Variants in MYO9A observed in about 807,000 individuals in gnomAD.
MYO9A encodes myosin IXA, also known as unconventional myosin-IXa.
In MYO9A, 103 loss-of-function variants were observed where a neutral mutation model predicts 293.3. The observed-to-expected ratio is 0.35, with a 90% CI of 0.30 to 0.41. The LOEUF (loss-of-function observed/expected upper bound fraction) is 0.41, where lower values mean the gene tolerates loss of function less well. Among genes scored for constraint, MYO9A ranks in the 10% least tolerant of loss-of-function variants. The probability of loss-of-function intolerance (pLI) is 1.00; values close to 1 mark genes in which losing one functional copy is unlikely to be tolerated. For missense variants in MYO9A, 2,685 were observed against 3,033.0 expected (o/e 0.89, Z 2.69); for synonymous variants, 1,001 against 1,035.7 (o/e 0.97, Z 0.64).
intron 2 of MYO9A, among the ~76,000 whole-genome samples, chr15:72,038,759 C>A (rs1462215128): frequency 1.3e-5 from 2 of 152,220 alleles, no homozygotes; most frequent in Non-Finnish European, 2.9e-5. Flanking sequence ...CAGCCCAAGA[C>A]TGCTACCATG....
intron 1 of MYO9A, among the ~76,000 whole-genome samples, chr15:72,073,985 C>T (rs1157699428): frequency 1.3e-5 from 2 of 152,134 alleles, no homozygotes; most frequent in African/African-American, 4.8e-5. Context: ...TTAGGTCTTA[C>T]AGGTCATATG....
At chr15:71,923,590 T>C (rs1296996677) in intron 18 of MYO9A, among the ~76,000 whole-genome samples, 1 of 152,166 alleles carries the variant, frequency 6.6e-6, no homozygotes, top group Admixed American at 6.5e-5. Context: ...TTTTGGTAGG[T>C]TGTATGTGAC....
chr15:71,832,921 G>C (rs1567178518), intron 39 of MYO9A, among the ~76,000 whole-genome samples: 1 of 152,012 alleles, frequency 6.6e-6, no homozygotes, highest in Non-Finnish European at 1.5e-5. Context: ...AAAACTACTA[G>C]TTAGCAAATA....
Position 72,088,059 on chromosome 15 carries a change from G to A in MYO9A, c.-72+29621C>T, listed in dbSNP as rs969305528. On this transcript the variant is annotated intron_variant, in intron 1 of 41. Coordinates refer to ENST00000356056, the MANE Select transcript of MYO9A (RefSeq NM_006901.4). Reference sequence around the variant, plus strand: ...ACAAAAAAAGGTCATGGAAGGATACGGCAAACAGCAGCTACCAGCAAGCCA... The same window carrying A: ...ACAAAAAAAGGTCATGGAAGGATACAGCAAACAGCAGCTACCAGCAAGCCA... 2.6e-5 allele frequency among the ~76,000 whole-genome samples: 4 copies of A among 152,112 alleles called. No individual in the cohort carries two copies. In the East Asian group the frequency reaches 5.8e-4, roughly 22 times the overall value.
At chr15:72,032,418 A>T in intron 3 of MYO9A, 76 bp downstream of exon 3, 1 of 923,582 alleles carries the variant, frequency 1.1e-6, no homozygotes, top group Non-Finnish European at 1.6e-6. Context: ...AATGAACAAT[A>T]CATAGTTTAT....
rs113825080 is a variant in MYO9A at position 71,900,066 on chromosome 15, GAA to G, written c.3151-62_3151-61del. 4.5e-3 allele frequency: 6,237 copies of G among 1,400,414 alleles called. 240 individuals carry two copies. The African/African-American group carries it at 0.083, about 19-fold the overall frequency. The allele number at this position is 1,400,414 out of a possible 1,614,324, so 86.7% of individuals were successfully genotyped here. ...CATATCTTACACTGCATTTTCACAG[GAA>G]AAAAAGAGAATAAATTTCTTATGTC... On this transcript the variant is annotated intron_variant, in intron 23 of 41. Coordinates refer to ENST00000356056, the MANE Select transcript of MYO9A (RefSeq NM_006901.4).
chr15:71,851,798 T>C (rs2055660717), intron 36 of MYO9A, among the ~76,000 whole-genome samples: 1 of 152,216 alleles, frequency 6.6e-6, no homozygotes, highest in East Asian at 1.9e-4. Flanking sequence ...AGTTCTTGCC[T>C]AGATTTCCAA....
chr15:72,072,689 G>A (rs1010262558), intron 1 of MYO9A, among the ~76,000 whole-genome samples: 1 of 152,108 alleles, frequency 6.6e-6, no homozygotes, highest in Non-Finnish European at 1.5e-5. Flanking sequence ...ACTTTTAAGT[G>A]GGAGCTAAGT....
At chr15:71,959,267 CT>C (rs1443918901) in intron 14 of MYO9A, 4 of 152,170 alleles carry the variant, frequency 2.6e-5, no homozygotes. Context: ...TCAAATATAT[CT>C]ATTTGTCTCA....
Position 71,925,365 on chromosome 15 carries a change from A to G in MYO9A, c.2562+8305T>C, listed in dbSNP as rs567777935. ...TACATATATACTTACATGTATATATACATATATACGTATATACGTGTATAT... is the reference window on the plus strand; with the variant it reads ...TACATATATACTTACATGTATATATGCATATATACGTATATACGTGTATAT... On this transcript the variant is annotated intron_variant, in intron 18 of 41. Coordinates refer to ENST00000356056, the MANE Select transcript of MYO9A (RefSeq NM_006901.4). Among the ~76,000 whole-genome samples, 10 of 150,152 alleles carry G rather than the reference A, an allele frequency of 6.7e-5. No homozygotes were observed. In the East Asian group the frequency reaches 1.4e-3, roughly 20 times the overall value.
chr15:71,873,498 G>C (rs2056587854), intron 32 of MYO9A, among the ~76,000 whole-genome samples: 1 of 151,690 alleles, frequency 6.6e-6, no homozygotes, highest in Non-Finnish European at 1.5e-5. Flanking sequence ...ACGTTTTTAA[G>C]GTTTTTAATA....
At position 71,978,221 on chromosome 15, in the gene MYO9A, A is replaced by C; in HGVS notation, c.1794T>G (p.Leu598=). 1 of 1,613,150 alleles carries C rather than the reference A, an allele frequency of 6.2e-7. No homozygotes were observed. The highest frequency in any genetic ancestry group is 8.5e-7 in the Non-Finnish European group (1 of 1,179,384). Residue 598 remains leucine (L), a synonymous_variant, in exon 12 of 42, where the codon CTT becomes CTG. Transcript: ENST00000356056. ...DYIDNTCCIN[L]ISKKPTGLLH... ...GCAGTCCTGTTGGTTTTTTGCTAAT[A>C]AGATTTATGCAGCAGGTATTATCAA... is the stretch of plus-strand genomic sequence containing the variant.
At chr15:71,936,991 A>C (rs1345607038) in intron 16 of MYO9A, among the ~76,000 whole-genome samples, 1 of 144,522 alleles carries the variant, frequency 6.9e-6, no homozygotes, top group East Asian at 2.3e-4. Flanking sequence ...AGAGGAAGGA[A>C]GGAAGCAAGT....
At chr15:72,060,163 GTATTTATT>G (rs529291320) in intron 1 of MYO9A, among the ~76,000 whole-genome samples, 1 of 151,936 alleles carries the variant, frequency 6.6e-6, no homozygotes, top group African/African-American at 2.4e-5. Flanking sequence ...CTCTACTTCT[GTATTTATT>G]TATTTATTAC....
intron 19 of MYO9A, among the ~76,000 whole-genome samples, chr15:71,910,747 T>C (rs952075894): frequency 1.3e-5 from 2 of 152,228 alleles, no homozygotes; most frequent in Non-Finnish European, 2.9e-5. Flanking sequence ...CATAGGTGTG[T>C]TGGCCTTCTG....
intron 15 of MYO9A, among the ~76,000 whole-genome samples, chr15:71,942,426 C>T (rs2058801837): frequency 6.6e-6 from 1 of 151,968 alleles, no homozygotes; most frequent in Admixed American, 6.6e-5. Context: ...GCTCATCTTC[C>T]TTAATCCATA....
At chr15:71,925,714 T>C (rs1596207960) in intron 18 of MYO9A, among the ~76,000 whole-genome samples, 1 of 152,326 alleles carries the variant, frequency 6.6e-6, no homozygotes, top group East Asian at 1.9e-4. Context: ...ATTTACATCT[T>C]TTTAAAATCA....
chr15:71,939,278 G>C (rs940876603), intron 15 of MYO9A, among the ~76,000 whole-genome samples: 1 of 152,138 alleles, frequency 6.6e-6, no homozygotes, highest in East Asian at 1.9e-4. Context: ...ATGTAACGGG[G>C]GTTTGTTGTG....
intron 1 of MYO9A, among the ~76,000 whole-genome samples, chr15:72,047,255 G>A (rs1031664846): frequency 1.3e-5 from 2 of 152,188 alleles, no homozygotes; most frequent in African/African-American, 4.8e-5. Context: ...TTTGGCAAGA[G>A]TGACAAAAGA....
Sources: allele counts gnomAD v4.1 joint callset (sites outside exome capture counted in the v4.1 genomes callset), GRCh38; gene constraint gnomAD v4.1.1; transcripts MANE v1.5; gene names NCBI Gene and HGNC (gene_info 2026-07-23, HGNC 2026-07-21).